C3orf49: variants seen among roughly 807,000 people sequenced by gnomAD.
C3orf49 encodes putative uncharacterized protein C3orf49.
C3orf49 carries 27 observed loss-of-function variants against 13.3 expected under a neutral mutation model. The ratio of observed to expected loss-of-function variants is 2.02; its 90% CI spans 1.49 to 2.79. The LOEUF (loss-of-function observed/expected upper bound fraction) is 2.79. C3orf49 is among the 30% of genes most tolerant of loss of function. The pLI, the probability that C3orf49 is intolerant of heterozygous loss-of-function variation, is 0.00. For missense variants in C3orf49, 242 were observed against 134.2 expected, an observed-to-expected ratio of 1.80 and a Z score of -3.97; for synonymous variants, 87 against 47.6, an observed-to-expected ratio of 1.83 and a Z score of -3.40.
chr3:63,801,277 A>G, the C3orf49 span, among the ~76,000 whole-genome samples: 2 of 152,128 alleles, frequency 1.3e-5, no homozygotes, highest in Admixed American at 1.3e-4. Flanking sequence ...TTTTTATAGT[A>G]GAGAACATGT....
intron 5 of C3orf49, among the ~76,000 whole-genome samples, chr3:63,840,306 A>G (rs1701730120): frequency 6.6e-6 from 1 of 152,158 alleles, no homozygotes; most frequent in Non-Finnish European, 1.5e-5. Flanking sequence ...TGGGTGAGGG[A>G]AAAAGGAATG....
chr3:63,800,339 C>T, the C3orf49 span, among the ~76,000 whole-genome samples: 1 of 152,092 alleles, frequency 6.6e-6, no homozygotes, highest in Non-Finnish European at 1.5e-5. Context: ...AGAAAATGTA[C>T]AACAGATGTG....
At chr3:63,801,786 A>G in the C3orf49 span, among the ~76,000 whole-genome samples, 6 of 152,124 alleles carry the variant, frequency 3.9e-5, no homozygotes, top group Non-Finnish European at 8.8e-5. Flanking sequence ...ATGTAGACAT[A>G]TCCACTTCAA....
intron 3 of C3orf49, among the ~76,000 whole-genome samples, chr3:63,828,109 C>T (rs750985520): frequency 1.3e-5 from 2 of 152,178 alleles, no homozygotes. Context: ...ATATAGTAGC[C>T]GTTAGCCACA....
At chr3:63,837,997 G>C (rs757058350) in intron 5 of C3orf49, 1 of 1,607,278 alleles carries the variant, frequency 6.2e-7, no homozygotes, top group Non-Finnish European at 8.5e-7. Flanking sequence ...TTTCGTATTC[G>C]TTTTGCTTGA....
the C3orf49 span, among the ~76,000 whole-genome samples, chr3:63,786,896 C>T: frequency 2.0e-5 from 3 of 152,168 alleles, no homozygotes; most frequent in South Asian, 4.1e-4. Context: ...TCGAGAAAGA[C>T]AGCAGTGGAA....
chr3:63,831,816 G>A lies in C3orf49; in HGVS notation c.821G>A (p.Arg274Lys). Residue 274 changes from arginine to lysine, a missense_variant, in exon 5 of 7, where the codon AGA becomes AAA. Transcript: ENST00000295896. ...AAACAGTTCCAGAGGATATCCAAGA[G>A]AACCATGAGGAAGTATAAATTAAAA... ...SSKQFQRISKRTMRKYKLKNM... is the reference protein window; with the variant it reads ...SSKQFQRISKKTMRKYKLKNM... The A allele has an allele frequency of 1.4e-6, 1 of 698,914 alleles. No individual in the cohort carries two copies. Among genetic ancestry groups the A allele is most frequent in the East Asian group, 2.7e-5 (1 of 37,258 alleles). The allele number at this position is 698,914 out of a possible 1,614,324, so 43.3% of individuals were successfully genotyped here.
chr3:63,796,689 CTCT>C, the C3orf49 span, among the ~76,000 whole-genome samples: 1 of 152,090 alleles, frequency 6.6e-6, no homozygotes, highest in African/African-American at 2.4e-5. Flanking sequence ...CCAGTTTCTC[CTCT>C]TGTCACTTAT....
chr3:63,836,350 C>T (rs1314753455), intron 5 of C3orf49: 7 of 1,612,226 alleles, frequency 4.3e-6, no homozygotes, highest in Non-Finnish European at 5.9e-6. Context: ...TTTGCCAAAG[C>T]ATCATATTCT....
chr3:63,821,746 C>T (rs905648822), intron 1 of C3orf49, among the ~76,000 whole-genome samples: 1 of 151,636 alleles, frequency 6.6e-6, no homozygotes. Flanking sequence ...CTTGAAAGGA[C>T]GAGAATTACG....
At chr3:63,794,969 T>C in the C3orf49 span, among the ~76,000 whole-genome samples, 1 of 152,146 alleles carries the variant, frequency 6.6e-6, no homozygotes, top group Non-Finnish European at 1.5e-5. Flanking sequence ...GGTGGGAAAT[T>C]GGCTGTCTGC....
At chr3:63,790,464 G>A in the C3orf49 span, among the ~76,000 whole-genome samples, 1 of 152,148 alleles carries the variant, frequency 6.6e-6, no homozygotes, top group Non-Finnish European at 1.5e-5. Flanking sequence ...CTTTAAATGG[G>A]ACAACGTCCA....
chr3:63,800,260 T>C, the C3orf49 span, among the ~76,000 whole-genome samples: 4 of 152,162 alleles, frequency 2.6e-5, no homozygotes, highest in South Asian at 2.1e-4. Flanking sequence ...CTCTGGGTCG[T>C]TGGCCGCTGC....
At chr3:63,825,422 C>T (rs1282266071) in intron 2 of C3orf49, among the ~76,000 whole-genome samples, 1 of 152,118 alleles carries the variant, frequency 6.6e-6, no homozygotes, top group Non-Finnish European at 1.5e-5. Context: ...CTAGCAATTA[C>T]CTGGTATGGA....
the C3orf49 span, among the ~76,000 whole-genome samples, chr3:63,791,744 A>G: frequency 5.9e-5 from 9 of 152,224 alleles, no homozygotes; most frequent in Admixed American, 1.3e-4. Context: ...TCCAGGCAAT[A>G]TTTTCAAGAA....
In C3orf49 at chr3:63,831,820, C is replaced by A. The variant is rs79766656; in HGVS notation, c.825C>A (p.Thr275=). The A allele has an allele frequency of 1.4e-6, 1 of 698,588 alleles. No homozygotes were observed. The highest frequency in any genetic ancestry group is 2.6e-6 in the Non-Finnish European group (1 of 384,034). 43.3% of individuals were successfully genotyped at this position (698,588 alleles called of 1,614,324 possible). The change falls in exon 5 of 7, where the codon ACC becomes ACA. Residue 275 remains threonine, a synonymous_variant. Transcript: ENST00000295896. ...SKQFQRISKR[T]MRKYKLKNMT... is the part of the protein sequence containing the mutation. ...AGTTCCAGAGGATATCCAAGAGAAC[C>A]ATGAGGAAGTATAAATTAAAAAATG...
At chr3:63,846,686 T>C (rs1156649880) in intron 6 of C3orf49, among the ~76,000 whole-genome samples, 1 of 152,106 alleles carries the variant, frequency 6.6e-6, no homozygotes, top group Non-Finnish European at 1.5e-5. Flanking sequence ...GCGGGAATTA[T>C]AGGCATGAGC....
chr3:63,815,763 T>TTTTC (rs1322925754), upstream of C3orf49, among the ~76,000 whole-genome samples: 3 of 147,770 alleles, frequency 2.0e-5, no homozygotes, highest in African/African-American at 7.9e-5. Flanking sequence ...TTTTCTTTTC[T>TTTTC]TTTCTTTCTT....
At chr3:63,788,243 G>T in the C3orf49 span, among the ~76,000 whole-genome samples, 1 of 152,196 alleles carries the variant, frequency 6.6e-6, no homozygotes, top group East Asian at 1.9e-4. Flanking sequence ...GGAAACTGAG[G>T]CTTGCAAATG....
Sources: allele counts gnomAD v4.1 joint callset (sites outside exome capture counted in the v4.1 genomes callset), GRCh38; gene constraint gnomAD v4.1.1; transcripts MANE v1.5; gene names NCBI Gene and HGNC (gene_info 2026-07-23, HGNC 2026-07-21).